Variants in SNX2 observed in about 807,000 individuals in gnomAD.
SNX2 encodes the protein sorting nexin 2, also known as sorting nexin-2.
Under a neutral mutation model 69.9 loss-of-function variants are expected in SNX2, and 25 were observed. The observed-to-expected ratio is 0.36, with a 90% CI of 0.26 to 0.50. The LOEUF (loss-of-function observed/expected upper bound fraction) is 0.50, where lower values mean the gene tolerates loss of function less well. SNX2 is among the 20% of genes least tolerant of loss of function. SNX2 has a pLI of 0.97. For synonymous variants in SNX2, 229 were observed against 200.4 expected, an observed-to-expected ratio of 1.14 and a Z score of -1.20; for missense variants, 551 against 613.3, an observed-to-expected ratio of 0.90 and a Z score of 1.07.
rs111700016 is a variant in SNX2, at chr5:122,815,865, G to T, written c.723-31G>T. On this transcript the variant is annotated intron_variant, in intron 7 of 14. Transcript: ENST00000379516. Reference sequence around the variant, plus strand: ...TTGAACTGTAATTCAAGATGCTACTGATAAAGGAGCAATTTTACTCTTAAA... The same window carrying T: ...TTGAACTGTAATTCAAGATGCTACTTATAAAGGAGCAATTTTACTCTTAAA... 2.2e-5 allele frequency: 28 copies of T among 1,246,842 alleles called. 1 individual carries two copies. Among genetic ancestry groups the T allele is most frequent in the African/African-American group, 1.8e-4 (12 of 66,252 alleles). 77.2% of individuals were successfully genotyped at this position (1,246,842 alleles called of 1,614,324 possible). A position where few individuals can be genotyped will look rare whatever the true frequency, so the allele number is the denominator to read the frequency against.
Position 122,775,092 on chromosome 5 carries a change from G to A in SNX2, c.-12G>A. 2 of 1,576,596 alleles carry A rather than the reference G, an allele frequency of 1.3e-6. No individual in the cohort carries two copies. Among genetic ancestry groups the A allele is most frequent in the Non-Finnish European group, 1.7e-6 (2 of 1,162,312 alleles). On this transcript the variant is annotated 5_prime_UTR_variant, in exon 1 of 15. Transcript: ENST00000379516. ...CGAGGCCCAGCTCGCGCAGTCGTTC[G>A]GGTGAGCGAAGATGGCGGCCGAGAG...
intron 6 of SNX2, among the ~76,000 whole-genome samples, chr5:122,806,611 A>G (rs1444293965): frequency 1.3e-5 from 2 of 151,806 alleles, no homozygotes; most frequent in African/African-American, 4.8e-5. Context: ...TTATTTATTT[A>G]TTTATTTATT....
intron 14 of SNX2, among the ~76,000 whole-genome samples, chr5:122,829,080 G>A (rs1159725534): frequency 6.6e-6 from 1 of 152,094 alleles, no homozygotes; most frequent in African/African-American, 2.4e-5. Context: ...TCATGCCATT[G>A]CACTCCGGTC....
intron 14 of SNX2, among the ~76,000 whole-genome samples, chr5:122,829,127 A>G (rs1754224410): frequency 2.0e-5 from 3 of 152,138 alleles, no homozygotes; most frequent in Admixed American, 1.3e-4. Flanking sequence ...CAAGAAAACA[A>G]AACAAAAAAA....
chr5:122,802,662 A>G (rs116328553), intron 5 of SNX2, among the ~76,000 whole-genome samples: 92 of 152,340 alleles, frequency 6.0e-4, no homozygotes, highest in Non-Finnish European at 9.8e-4. Context: ...GGGTCAAAGT[A>G]GAGGTCAGGA....
chr5:122,778,328 T>C (rs1752898472), intron 1 of SNX2, among the ~76,000 whole-genome samples: 1 of 152,172 alleles, frequency 6.6e-6, no homozygotes, highest in Non-Finnish European at 1.5e-5. Context: ...TTCCTTTGGA[T>C]ATTTACCCAG....
chr5:122,780,761 G>C (rs540442938), intron 1 of SNX2, among the ~76,000 whole-genome samples: 48 of 151,994 alleles, frequency 3.2e-4, no homozygotes, highest in African/African-American at 1.1e-3. Context: ...GTGGAGACGA[G>C]GTTTCACCAT....
chr5:122,814,762 T>TTTTTTTTGTTTTTTTGA (rs1285886404), intron 7 of SNX2, among the ~76,000 whole-genome samples: 5 of 152,166 alleles, frequency 3.3e-5, no homozygotes, highest in African/African-American at 9.6e-5. Flanking sequence ...TTTTTTTTTG[T>TTTTTTTTGTTTTTTTGA]TTTTTGAGAC....
intron 6 of SNX2, among the ~76,000 whole-genome samples, chr5:122,806,614 T>A (rs1041705502): frequency 6.6e-6 from 1 of 152,094 alleles, no homozygotes; most frequent in Non-Finnish European, 1.5e-5. Flanking sequence ...TTTATTTATT[T>A]ATTTATTTAT....
At chr5:122,806,142 G>GCACACACACACACA (rs139834252) in intron 6 of SNX2, among the ~76,000 whole-genome samples, 14 of 130,650 alleles carry the variant, frequency 1.1e-4, no homozygotes, top group Middle Eastern at 3.8e-3. Context: ...ACACGCGCGC[G>GCACACACACACACA]CACACACACA....
intron 1 of SNX2, among the ~76,000 whole-genome samples, chr5:122,782,711 A>G (rs760623595): frequency 1.6e-4 from 23 of 145,468 alleles, no homozygotes; most frequent in Non-Finnish European, 2.6e-4. Flanking sequence ...TAATTTTTGT[A>G]TTTTTAGTAG....
chr5:122,816,927 G>A lies in SNX2; in HGVS notation c.811G>A (p.Val271Ile). 1 of 1,610,922 alleles carries A rather than the reference G, an allele frequency of 6.2e-7. No individual in the cohort carries two copies. Among genetic ancestry groups the A allele is most frequent in the Non-Finnish European group, 8.5e-7 (1 of 1,177,284 alleles). ...FLESSELPRA[V>I]NTQALSGAGI... ...CATTCAATTCCAGCTGCCTAGAGCA[G>A]TTAATACACAGGCTCTGAGTGGAGC... Residue 271 changes from valine to isoleucine, a missense_variant, in exon 9 of 15, where the codon GTT becomes ATT. By Grantham distance (29) the Val-to-Ile change is conservative. Transcript: ENST00000379516.
intron 7 of SNX2, 107 bp from the exon 8 acceptor site, chr5:122,815,789 G>A: frequency 1.9e-6 from 1 of 529,910 alleles, no homozygotes; most frequent in Non-Finnish European, 3.4e-6. Context: ...TCTAATACGA[G>A]GTAGTGAGGA....
chr5:122,829,625 C>T lies in SNX2; in HGVS notation c.1537C>T (p.Pro513Ser). 1 of 1,613,344 alleles carries T rather than the reference C, an allele frequency of 6.2e-7. No homozygotes were observed. Among genetic ancestry groups the T allele is most frequent in the Non-Finnish European group, 8.5e-7 (1 of 1,179,404 alleles). The change falls in exon 15 of 15, where the codon CCT (proline) becomes TCT (serine). Residue 513 changes from proline to serine, a missense_variant. This residue lies in a region of SNX2 where 360 missense variants were observed against 450.4 expected (regional missense o/e 0.80). Coordinates refer to ENST00000379516, the MANE Select transcript of SNX2 (RefSeq NM_003100.4). ...GATAAAATACTGGGAAGCATTCCTA[C>T]CTGAAGCCAAAGCCATTGCCTAGCA... is the stretch of plus-strand genomic sequence containing the variant. ...QLIKYWEAFL[P>S]EAKAIA
intron 1 of SNX2, 98 bp from the exon 2 acceptor site, chr5:122,795,168 T>C (rs1037705139): frequency 1.3e-6 from 1 of 751,302 alleles, no homozygotes; most frequent in African/African-American, 1.7e-5. Context: ...TTTCCTCCAT[T>C]CTTTTCAAGA....
chr5:122,785,565 A>G (rs1753067099), intron 1 of SNX2, among the ~76,000 whole-genome samples: 1 of 152,162 alleles, frequency 6.6e-6, no homozygotes, highest in African/African-American at 2.4e-5. Context: ...TGCATTCCAC[A>G]AATTTTGATA....
intron 11 of SNX2, among the ~76,000 whole-genome samples, chr5:122,822,493 A>G (rs920796845): frequency 1.3e-5 from 2 of 152,198 alleles, no homozygotes; most frequent in Admixed American, 6.5e-5. Context: ...GGTTTTATCC[A>G]TATCGAGCGT....
At chr5:122,802,247 C>A (rs1753533473) in intron 5 of SNX2, 123 bp downstream of exon 5, 2 of 862,626 alleles carry the variant, frequency 2.3e-6, no homozygotes, top group South Asian at 1.5e-5. Context: ...ATAAAGATTG[C>A]CAAGAAGTAG....
chr5:122,793,942 T>C (rs1187000850), intron 1 of SNX2, among the ~76,000 whole-genome samples: 2 of 150,894 alleles, frequency 1.3e-5, no homozygotes, highest in South Asian at 4.2e-4. Context: ...GACCTGGTTT[T>C]AACTATTGTA....
Sources: allele counts gnomAD v4.1 joint callset (sites outside exome capture counted in the v4.1 genomes callset), GRCh38; gene constraint gnomAD v4.1.1; regional missense constraint gnomAD v4.1.1; transcripts MANE v1.5; gene names NCBI Gene and HGNC (gene_info 2026-07-23, HGNC 2026-07-21).